KIAA1958: variants seen among roughly 807,000 people sequenced by gnomAD.
The protein encoded by KIAA1958 is KIAA1958, also known as uncharacterized protein KIAA1958.
A neutral mutation model predicts 47.2 loss-of-function variants in KIAA1958; 14 were observed. The observed-to-expected ratio is 0.30, with a 90% CI of 0.20 to 0.46. The LOEUF is 0.46. Ranked by LOEUF, KIAA1958 falls within the 20% of genes least tolerant of loss-of-function variation. The pLI is 1.00. For missense variants in KIAA1958, 803 were observed against 909.2 expected (o/e 0.88, Z 1.50); for synonymous variants, 354 against 353.3 (o/e 1.00, Z -0.02).
intron 1 of KIAA1958, among the ~76,000 whole-genome samples, chr9:112,526,554 G>T (rs1464218829): frequency 6.6e-6 from 1 of 152,174 alleles, no homozygotes; most frequent in African/African-American, 2.4e-5. Flanking sequence ...CCGAGACTGG[G>T]CACTTTATAA....
At chr9:112,573,433 G>A (rs1564176959) in intron 1 of KIAA1958, among the ~76,000 whole-genome samples, 1 of 152,148 alleles carries the variant, frequency 6.6e-6, no homozygotes, top group East Asian at 1.9e-4. Flanking sequence ...TCTCCTCCCA[G>A]TCTGTTCTCC....
At chr9:112,658,713 A>G (rs192998983) in intron 3 of KIAA1958, among the ~76,000 whole-genome samples, 33 of 152,134 alleles carry the variant, frequency 2.2e-4, no homozygotes, top group Admixed American at 1.9e-3. Flanking sequence ...TAATCCCAGC[A>G]CTTTGGGAGG....
chr9:112,588,948 T>TA lies in KIAA1958; in HGVS notation c.1171+13710dup, dbSNP rs796644924. On this transcript the variant is annotated intron_variant, in intron 2 of 3. Coordinates refer to ENST00000337530, the MANE Select transcript of KIAA1958 (RefSeq NM_133465.4). The stretch of plus-strand genomic sequence containing the variant: ...GAAAATTTCTTTCCTCTAATATGAC[T>TA]AAAAAAAAAAAAATACAGGTCAGAT... 7.1e-3 allele frequency among the ~76,000 whole-genome samples: 1,009 copies of TA among 142,168 alleles called. 12 individuals carry two copies. Among genetic ancestry groups the TA allele is most frequent in the Middle Eastern group, 0.022 (6 of 276 alleles). 93.3% of individuals were successfully genotyped at this position (142,168 alleles called of 152,430 possible).
rs969262776 is a variant in KIAA1958, at chr9:112,666,833, C to A, written c.*6764C>A. The A allele has an allele frequency of 1.3e-5, 2 of 152,220 alleles. No homozygotes were observed. Among genetic ancestry groups the A allele is most frequent in the African/African-American group, 4.8e-5 (2 of 41,456 alleles). 9.4% of individuals were successfully genotyped at this position (152,220 alleles called of 1,614,324 possible). ...GAGAAATACTAGCTGATGCTTATTA[C>A]ACCGGGAAGAGAAAAAGTTCATATC... On this transcript the variant is annotated 3_prime_UTR_variant, in exon 4 of 4. Transcript: ENST00000337530.
At chr9:112,559,652 C>T (rs142605595) in intron 1 of KIAA1958, among the ~76,000 whole-genome samples, 32 of 152,264 alleles carry the variant, frequency 2.1e-4, no homozygotes, top group South Asian at 1.9e-3. Flanking sequence ...TTTCAAGCAT[C>T]GGGGACAGAT....
intron 2 of KIAA1958, among the ~76,000 whole-genome samples, chr9:112,607,660 G>A (rs1442446513): frequency 6.9e-6 from 1 of 143,910 alleles, no homozygotes; most frequent in Non-Finnish European, 1.5e-5. Context: ...CAGAAAAAAA[G>A]ACTAATGTAC....
chr9:112,667,102 G>C lies in KIAA1958; in HGVS notation c.*7033G>C, dbSNP rs1837360202. 6.6e-6 allele frequency: 1 copy of C among 152,148 alleles called. No homozygotes were observed. The highest frequency in any genetic ancestry group is 1.5e-5 in the Non-Finnish European group (1 of 68,038). 9.4% of individuals were successfully genotyped at this position (152,148 alleles called of 1,614,324 possible). ...TAAAATCAGGCAATAGGAAGGAAAA[G>C]GATGCTGCTTCAATAGAAAAGTAAA... On this transcript the variant is annotated 3_prime_UTR_variant, in exon 4 of 4. Coordinates refer to ENST00000337530, the MANE Select transcript of KIAA1958 (RefSeq NM_133465.4).
At chr9:112,636,567 C>T (rs944728876) in intron 2 of KIAA1958, among the ~76,000 whole-genome samples, 2 of 152,054 alleles carry the variant, frequency 1.3e-5, no homozygotes, top group Non-Finnish European at 2.9e-5. Context: ...TTATCAGATC[C>T]ATACAAAAAT....
intron 1 of KIAA1958, among the ~76,000 whole-genome samples, chr9:112,558,106 TCCCAGCTACTCAG>T (rs1835273629): frequency 1.3e-5 from 2 of 151,942 alleles, no homozygotes; most frequent in African/African-American, 2.4e-5. Flanking sequence ...GCGCCTGTAG[TCCCAGCTACTCAG>T]GAGGCTGAGG....
At chr9:112,527,463 A>G (rs1834677847) in intron 1 of KIAA1958, among the ~76,000 whole-genome samples, 1 of 152,198 alleles carries the variant, frequency 6.6e-6, no homozygotes, top group Non-Finnish European at 1.5e-5. Flanking sequence ...TGAAGAAGAA[A>G]GCAGGAATGT....
At chr9:112,586,083 C>T (rs1835818357) in intron 2 of KIAA1958, among the ~76,000 whole-genome samples, 1 of 152,164 alleles carries the variant, frequency 6.6e-6, no homozygotes, top group African/African-American at 2.4e-5. Context: ...CAAAACAAAA[C>T]TTTTAAATAT....
chr9:112,622,012 C>T (rs930475514), intron 2 of KIAA1958, among the ~76,000 whole-genome samples: 3 of 152,072 alleles, frequency 2.0e-5, no homozygotes, highest in South Asian at 2.1e-4. Flanking sequence ...AAAGTGCTGG[C>T]GTTATCTCTT....
chr9:112,655,890 T>G (rs992225874), intron 3 of KIAA1958, among the ~76,000 whole-genome samples: 1 of 152,146 alleles, frequency 6.6e-6, no homozygotes, highest in African/African-American at 2.4e-5. Context: ...TCTCTCCACA[T>G]TAGCCCTGGA....
At chr9:112,556,523 T>C (rs958663205) in intron 1 of KIAA1958, among the ~76,000 whole-genome samples, 1 of 152,240 alleles carries the variant, frequency 6.6e-6, no homozygotes, top group African/African-American at 2.4e-5. Context: ...TTTGTAGAGA[T>C]AGGGTCTTAC....
intron 1 of KIAA1958, among the ~76,000 whole-genome samples, chr9:112,568,423 CACAG>C (rs1835466302): frequency 6.6e-6 from 1 of 152,182 alleles, no homozygotes; most frequent in South Asian, 2.1e-4. Context: ...CTTTTATGTA[CACAG>C]ACAGTGCTTA....
chr9:112,630,682 A>AT (rs1337404511), intron 2 of KIAA1958, among the ~76,000 whole-genome samples: 3 of 152,230 alleles, frequency 2.0e-5, no homozygotes, highest in Non-Finnish European at 2.9e-5. Context: ...CTTCAGACAC[A>AT]TTTTTTGTGT....
In KIAA1958 at chr9:112,584,937, C is replaced by T. The variant is rs1169408450; in HGVS notation, c.1171+9686C>T. Among the ~76,000 whole-genome samples, 7 of 152,202 alleles carry T rather than the reference C, an allele frequency of 4.6e-5. No homozygotes were observed. The South Asian group carries it at 1.2e-3, about 27-fold the overall frequency. On this transcript the variant is annotated intron_variant, in intron 2 of 3. Transcript: ENST00000337530. Reference sequence around the variant, plus strand: ...GTAGTCTAAACTGCCGACTGCTTCCCCTTCCTCTCCTTTTATGTCACATCA... The same window carrying T: ...GTAGTCTAAACTGCCGACTGCTTCCTCTTCCTCTCCTTTTATGTCACATCA...
In KIAA1958 at chr9:112,631,770, G is replaced by T. The variant is rs564786616; in HGVS notation, c.1172-13880G>T. On this transcript the variant is annotated intron_variant, in intron 2 of 3. Coordinates refer to ENST00000337530, the MANE Select transcript of KIAA1958 (RefSeq NM_133465.4). Reference sequence around the variant, plus strand: ...AAAATATACTTCAAAAACTAATCTAGCTGTAGTTACCATTTTGTATGTTTG... The same window carrying T: ...AAAATATACTTCAAAAACTAATCTATCTGTAGTTACCATTTTGTATGTTTG... Among the ~76,000 whole-genome samples the T allele has an allele frequency of 3.3e-5, 5 of 152,144 alleles. No homozygotes were observed. The South Asian group carries it at 1.0e-3, about 31-fold the overall frequency.
At chr9:112,628,201 A>G (rs552659351) in intron 2 of KIAA1958, among the ~76,000 whole-genome samples, 3 of 152,280 alleles carry the variant, frequency 2.0e-5, no homozygotes, top group African/African-American at 7.2e-5. Flanking sequence ...GCTTGTAATT[A>G]CAAGATTCTT....
Sources: gnomAD v4.1 joint callset for allele counts (sites outside exome capture counted in the v4.1 genomes callset) on GRCh38, gnomAD v4.1.1 for gene constraint, MANE v1.5 for transcripts, NCBI Gene and HGNC (gene_info 2026-07-23, HGNC 2026-07-21) for gene names.